Variants in CELSR1 observed in about 807,000 individuals in gnomAD.
CELSR1 encodes cadherin EGF LAG seven-pass G-type receptor 1, also known as adhesion G protein-coupled receptor C1.
CELSR1 carries 110 observed loss-of-function variants against 249.1 expected under a neutral mutation model. The ratio of observed to expected loss-of-function variants is 0.44; its 90% CI spans 0.38 to 0.52. The LOEUF is 0.52. Among genes scored for constraint, CELSR1 ranks in the 20% least tolerant of loss-of-function variants. The pLI, the probability that CELSR1 is intolerant of heterozygous loss-of-function variation, is 0.00. For missense variants in CELSR1, 4,109 were observed against 4,296.4 expected (o/e 0.96, Z 1.22); for synonymous variants, 2,113 against 1,900.0 (o/e 1.11, Z -2.92).
Position 46,406,763 on chromosome 22 carries a change from CGT to C in CELSR1, c.5226+2231_5226+2232del, listed in dbSNP as rs1179280809. Among the ~76,000 whole-genome samples the C allele has an allele frequency of 4.6e-5, 7 of 152,206 alleles. No individual in the cohort carries two copies. Among genetic ancestry groups the C allele is most frequent in the African/African-American group, 7.2e-5 (3 of 41,444 alleles). On this transcript the variant is annotated intron_variant, in intron 9 of 34. Transcript: ENST00000674500. The surrounding 1 kb of genome is among the most constrained non-coding windows in gnomAD (Gnocchi z 5.4). ...GAAGAGCCTCTACGCCTCAGTTTCC[CGT>C]GTGTGGAACGAGAGCTTGGAGCAGG...
Position 46,422,455 on chromosome 22 carries a change from C to T in CELSR1, c.4612-10696G>A, listed in dbSNP as rs560518352. On this transcript the variant is annotated intron_variant, in intron 5 of 34. Transcript: ENST00000674500. ...AATATTTAAAAGAAAAAACCAGGGC[C>T]GGGCGCAGTGGCTCACACCTGTAAT... is the stretch of plus-strand genomic sequence containing the variant. 7.4e-5 allele frequency among the ~76,000 whole-genome samples: 11 copies of T among 149,364 alleles called. 1 individual carries two copies. In the South Asian group the frequency reaches 1.1e-3, roughly 16 times the overall value.
intron 2 of CELSR1, among the ~76,000 whole-genome samples, chr22:46,456,357 C>T (rs12170949): frequency 2.2e-4 from 34 of 152,266 alleles, no homozygotes; most frequent in African/African-American, 7.2e-4. Flanking sequence ...GCCCATGACT[C>T]TGATAAGAGA....
Position 46,386,735 on chromosome 22 carries a change from G to GT in CELSR1, c.6556-151dup, listed in dbSNP as rs938003178. On this transcript the variant is annotated intron_variant, in intron 18 of 34. Coordinates refer to ENST00000674500, the MANE Select transcript of CELSR1 (RefSeq NM_001378328.1). ...TAGACTGTGCTCTTTAATATTAGTT[G>GT]TTTTTTGTTTTTTGTTGTTTTTTGT... 18 of 596,666 alleles carry GT rather than the reference G, an allele frequency of 3.0e-5. No individual in the cohort carries two copies. In the South Asian group the frequency reaches 3.3e-4, roughly 11 times the overall value. 37.0% of individuals were successfully genotyped at this position (596,666 alleles called of 1,614,324 possible). A position where few individuals can be genotyped will look rare whatever the true frequency, so the allele number is the denominator to read the frequency against.
rs181053668 is a variant in CELSR1 at position 46,529,227 on chromosome 22, C to T, written c.3544+4400G>A. On this transcript the variant is annotated intron_variant, in intron 1 of 34. Transcript: ENST00000674500. Reference sequence around the variant, plus strand: ...CTTGCAGTGAGCCGAGATGGTGCCACTGCACTCCAGCCTGGGCAGCAGAGT... The same window carrying T: ...CTTGCAGTGAGCCGAGATGGTGCCATTGCACTCCAGCCTGGGCAGCAGAGT... Among the ~76,000 whole-genome samples, 531 of 151,552 alleles carry T rather than the reference C, an allele frequency of 3.5e-3. 2 individuals carry two copies. The highest frequency in any genetic ancestry group is 0.011 in the African/African-American group (452 of 41,292).
intron 14 of CELSR1, among the ~76,000 whole-genome samples, chr22:46,392,711 C>T (rs116499729): frequency 6.2e-4 from 95 of 152,238 alleles, no homozygotes; most frequent in African/African-American, 2.2e-3. Context: ...CAAGCATCAG[C>T]ACGCTCAGCT....
At chr22:46,373,448 C>CG (rs2078878603) in intron 24 of CELSR1, among the ~76,000 whole-genome samples, 1 of 111,662 alleles carries the variant, frequency 9.0e-6, no homozygotes, top group Admixed American at 9.1e-5. Context: ...ACCCAGTGCT[C>CG]GGGGTTGGGG....
rs964929133 is a variant in CELSR1 at position 46,395,283 on chromosome 22, C to G, written c.5844-1021G>C. Reference sequence around the variant, plus strand: ...GCAACTCCCCCTGCTCCAAGCTGTGCTCCATGCGGCAGGTGGGGGTTCCCT... The same window carrying G: ...GCAACTCCCCCTGCTCCAAGCTGTGGTCCATGCGGCAGGTGGGGGTTCCCT... On this transcript the variant is annotated intron_variant, in intron 13 of 34. Transcript: ENST00000674500. The surrounding 1 kb of genome is among the most constrained non-coding windows in gnomAD (Gnocchi z 5.5). 6.6e-6 allele frequency among the ~76,000 whole-genome samples: 1 copy of G among 152,188 alleles called. No homozygotes were observed. The highest frequency in any genetic ancestry group is 6.5e-5 in the Admixed American group (1 of 15,290).
rs2078701572 is a variant in CELSR1, at chr22:46,361,297, A to C, written c.*1926T>G. The C allele has an allele frequency of 6.6e-6, 1 of 152,602 alleles. No individual in the cohort carries two copies. Among genetic ancestry groups the C allele is most frequent in the African/African-American group, 2.4e-5 (1 of 41,464 alleles). 9.5% of individuals were successfully genotyped at this position (152,602 alleles called of 1,614,324 possible). ...GTCTAATCTCTCCCATAAAGTCTTA[A>C]GTAATAAAAATAGGTTTACATTTTT... On this transcript the variant is annotated 3_prime_UTR_variant, in exon 35 of 35. Transcript: ENST00000674500.
chr22:46,487,949 A>T (rs533106568), intron 1 of CELSR1, among the ~76,000 whole-genome samples: 2 of 71,332 alleles, frequency 2.8e-5, no homozygotes, highest in African/African-American at 1.2e-4. Flanking sequence ...GTGTTCAGCT[A>T]ATGGGGGTAT....
chr22:46,460,178 A>AACAC (rs544352270), intron 2 of CELSR1, among the ~76,000 whole-genome samples: 2,096 of 103,000 alleles, frequency 0.02, 19 homozygotes, highest in Middle Eastern at 0.11. Flanking sequence ...TCAGTCTCAA[A>AACAC]ACACACACAC....
At position 46,366,951 on chromosome 22, in the gene CELSR1, C is replaced by T. The variant is rs751036021; in HGVS notation, c.8205+42G>A. 7 of 1,581,306 alleles carry T rather than the reference C, an allele frequency of 4.4e-6. No homozygotes were observed. The South Asian group carries it at 6.9e-5, about 16-fold the overall frequency. On this transcript the variant is annotated intron_variant, in intron 29 of 34. Transcript: ENST00000674500. ...TCACCCTCCCCCGCCCCTCGAGATG[C>T]CGCCCAGCCCCCAGTCCCGCGGTGT...
rs1308174387 is a variant in CELSR1 at position 46,445,858 on chromosome 22, G to A, written c.4184-6447C>T. Reference sequence around the variant, plus strand: ...GAGATGCTGCTCCTGGCCTTTGCCAGCTCATCCTCCCACCCAGCCAGGGAG... The same window carrying A: ...GAGATGCTGCTCCTGGCCTTTGCCAACTCATCCTCCCACCCAGCCAGGGAG... On this transcript the variant is annotated intron_variant, in intron 2 of 34. Coordinates refer to ENST00000674500, the MANE Select transcript of CELSR1 (RefSeq NM_001378328.1). The surrounding 1 kb of genome is among the most constrained non-coding windows in gnomAD (Gnocchi z 4.4). Among the ~76,000 whole-genome samples the A allele has an allele frequency of 1.3e-5, 2 of 152,212 alleles. No homozygotes were observed. The highest frequency in any genetic ancestry group is 4.8e-5 in the African/African-American group (2 of 41,454).
intron 1 of CELSR1, among the ~76,000 whole-genome samples, chr22:46,504,540 C>G (rs1015231404): frequency 6.7e-6 from 1 of 149,304 alleles, no homozygotes; most frequent in Non-Finnish European, 1.5e-5. Context: ...ACAGGAATGG[C>G]TGCTAAGCAG....
chr22:46,460,447 G>T (rs4823814), intron 2 of CELSR1, among the ~76,000 whole-genome samples: 2 of 152,066 alleles, frequency 1.3e-5, no homozygotes, highest in Non-Finnish European at 2.9e-5. Flanking sequence ...AGATGGATGG[G>T]GAGGAGACAC....
chr22:46,463,178 T>C (rs3788697), intron 2 of CELSR1, among the ~76,000 whole-genome samples: 1 of 152,120 alleles, frequency 6.6e-6, no homozygotes, highest in Admixed American at 6.5e-5. Flanking sequence ...GGAAAGTGAG[T>C]AAGCCGTGGG....
At chr22:46,372,851 G>A (rs555488854) in intron 25 of CELSR1, 32 bp downstream of exon 25, 2 of 1,569,492 alleles carry the variant, frequency 1.3e-6, no homozygotes, top group Non-Finnish European at 1.7e-6. Context: ...GAAATCTGTG[G>A]TTTTATGCAG....
In CELSR1 at chr22:46,464,419, G is replaced by T. The variant is rs3747252; in HGVS notation, c.3545-74C>A. 0.13 allele frequency: 191,346 copies of T among 1,485,304 alleles called. 12,927 individuals carry two copies. Among genetic ancestry groups the T allele is most frequent in the Admixed American group, 0.22 (11,297 of 51,926 alleles). 92.0% of individuals were successfully genotyped at this position (1,485,304 alleles called of 1,614,324 possible). On this transcript the variant is annotated intron_variant, in intron 1 of 34. Coordinates refer to ENST00000674500, the MANE Select transcript of CELSR1 (RefSeq NM_001378328.1). This position sits in a 1 kb window ranked among gnomAD's most constrained non-coding sequence, Gnocchi z 8.5. ...AGGTCCTATAGGCCCCATCCCAGGA[G>T]CAGCCTCAGGCATGCTTGGCAAAGG...
In CELSR1 at chr22:46,506,286, A is replaced by G. The variant is rs1481185378; in HGVS notation, c.3544+27341T>C. Among the ~76,000 whole-genome samples, 1 of 152,172 alleles carries G rather than the reference A, an allele frequency of 6.6e-6. No individual in the cohort carries two copies. ...GCAGAGCACCCGCCATGATCCCTCC[A>G]AGCCTGGCACCTCCACCGTGCCTGG... On this transcript the variant is annotated intron_variant, in intron 1 of 34. Transcript: ENST00000674500. The surrounding 1 kb of genome is among the most constrained non-coding windows in gnomAD (Gnocchi z 4.1).
At chr22:46,369,099 G>T in intron 27 of CELSR1, 80 bp downstream of exon 27, 1 of 1,434,290 alleles carries the variant, frequency 7.0e-7, no homozygotes, top group Non-Finnish European at 9.8e-7. Flanking sequence ...CTCTCATGGG[G>T]CCCCACCCCG....
Sources: gnomAD v4.1 joint callset for allele counts (sites outside exome capture counted in the v4.1 genomes callset) on GRCh38, gnomAD v4.1.1 for gene constraint, Gnocchi (gnomAD v3.1) non-coding constraint, MANE v1.5 for transcripts, NCBI Gene and HGNC (gene_info 2026-07-23, HGNC 2026-07-21) for gene names.